DPP10: variants seen among roughly 807,000 people sequenced by gnomAD.
The protein encoded by DPP10 is inactive dipeptidyl peptidase 10.
In DPP10, 33 loss-of-function variants were observed where a neutral mutation model predicts 120.9. That is an observed-to-expected ratio of 0.27 (90% CI 0.21 to 0.37). The LOEUF (loss-of-function observed/expected upper bound fraction) is 0.37, where lower values mean the gene tolerates loss of function less well. DPP10 is among the 10% of genes least tolerant of loss of function. DPP10 has a pLI of 1.00. For missense variants in DPP10, 816 were observed against 942.8 expected (o/e 0.87, Z 1.76); for synonymous variants, 337 against 326.1 (o/e 1.03, Z -0.36).
At chr2:115,258,738 G>A (rs1264730575) in intron 1 of DPP10, among the ~76,000 whole-genome samples, 1 of 151,832 alleles carries the variant, frequency 6.6e-6, no homozygotes, top group Non-Finnish European at 1.5e-5. Flanking sequence ...TGAGATGAGG[G>A]CATCTCTACT....
At chr2:115,701,450 A>G (rs1232114817) in intron 7 of DPP10, among the ~76,000 whole-genome samples, 1 of 152,104 alleles carries the variant, frequency 6.6e-6, no homozygotes, top group African/African-American at 2.4e-5. Context: ...TGGATCAAAT[A>G]TCTCAGCATA....
At chr2:114,522,395 A>G (rs894784172) in intron 1 of DPP10, among the ~76,000 whole-genome samples, 1 of 152,162 alleles carries the variant, frequency 6.6e-6, no homozygotes, top group Non-Finnish European at 1.5e-5. Context: ...CAAACAAAAA[A>G]ACCAGCTGAT....
intron 1 of DPP10, among the ~76,000 whole-genome samples, chr2:115,054,565 G>T (rs921739354): frequency 2.6e-5 from 4 of 152,100 alleles, no homozygotes; most frequent in African/African-American, 9.7e-5. Context: ...AAGTTTACTT[G>T]CTTAATTTAA....
chr2:115,107,421 G>GTTT (rs1338824201), intron 1 of DPP10, among the ~76,000 whole-genome samples: 1 of 87,010 alleles, frequency 1.1e-5, no homozygotes, highest in Non-Finnish European at 2.3e-5. Flanking sequence ...ATTGGTTATA[G>GTTT]CTTTTTTTTT....
At chr2:114,936,825 C>T (rs1696523330) in intron 1 of DPP10, among the ~76,000 whole-genome samples, 2 of 152,130 alleles carry the variant, frequency 1.3e-5, no homozygotes, top group South Asian at 4.1e-4. Context: ...TTTTGATTTG[C>T]ATTTTCCTGA....
rs116906267 is a variant in DPP10 at position 115,141,328 on chromosome 2, C to T, written c.61-167911C>T. On this transcript the variant is annotated intron_variant, in intron 1 of 25. Coordinates refer to ENST00000410059, the MANE Select transcript of DPP10 (RefSeq NM_020868.6). ...AGGCAGGGAGGAAAGGAATATTCAC[C>T]GATTACCTGCTATATTCCAGACACC... is the stretch of plus-strand genomic sequence containing the variant. 1.2e-3 allele frequency among the ~76,000 whole-genome samples: 188 copies of T among 152,292 alleles called. No homozygotes were observed. The East Asian group carries it at 0.013, about 11-fold the overall frequency.
chr2:115,307,755 G>A (rs548308621), intron 1 of DPP10, among the ~76,000 whole-genome samples: 11 of 152,156 alleles, frequency 7.2e-5, no homozygotes, highest in African/African-American at 2.6e-4. Flanking sequence ...TTGCAGGAAC[G>A]TTGCATTCCA....
At chr2:114,464,073 G>A (rs1384885025) in intron 1 of DPP10, among the ~76,000 whole-genome samples, 2 of 152,180 alleles carry the variant, frequency 1.3e-5, no homozygotes, top group Non-Finnish European at 2.9e-5. Context: ...AGTTTTGGGT[G>A]ATTATAAATA....
At chr2:115,669,136 A>T (rs948892920) in intron 5 of DPP10, among the ~76,000 whole-genome samples, 13 of 152,158 alleles carry the variant, frequency 8.5e-5, no homozygotes, top group Admixed American at 6.6e-4. Context: ...GTTATTGAGT[A>T]GGACATTGTA....
chr2:115,207,935 G>A (rs760571635), intron 1 of DPP10, among the ~76,000 whole-genome samples: 12 of 152,064 alleles, frequency 7.9e-5, no homozygotes, highest in Admixed American at 3.3e-4. Context: ...ACAATAGATT[G>A]GCAAAACTGG....
At chr2:115,807,284 T>C (rs184744468) in intron 19 of DPP10, among the ~76,000 whole-genome samples, 1 of 152,338 alleles carries the variant, frequency 6.6e-6, no homozygotes, top group East Asian at 1.9e-4. Context: ...GAGATGTCCC[T>C]GAGGTCCTTT....
chr2:114,544,617 G>A (rs1449935127), intron 1 of DPP10, among the ~76,000 whole-genome samples: 1 of 151,890 alleles, frequency 6.6e-6, no homozygotes, highest in Admixed American at 6.6e-5. Context: ...GAGTCATTGG[G>A]GGGACTCAAA....
At chr2:115,694,962 G>A (rs1486065706) in intron 7 of DPP10, among the ~76,000 whole-genome samples, 1 of 152,146 alleles carries the variant, frequency 6.6e-6, no homozygotes, top group South Asian at 2.1e-4. Flanking sequence ...TTCTCATTAT[G>A]AAATTGCAGA....
At chr2:115,138,627 A>G (rs933171849) in intron 1 of DPP10, among the ~76,000 whole-genome samples, 5 of 152,206 alleles carry the variant, frequency 3.3e-5, no homozygotes, top group Non-Finnish European at 7.4e-5. Flanking sequence ...AATGATTACT[A>G]TGTATTTCAT....
intron 1 of DPP10, among the ~76,000 whole-genome samples, chr2:114,708,567 A>G (rs977162566): frequency 1.7e-4 from 26 of 152,118 alleles, no homozygotes; most frequent in African/African-American, 6.3e-4. Flanking sequence ...GTCTGGAAGG[A>G]GACAGTGCTC....
chr2:115,652,232 G>A (rs1012847245), intron 5 of DPP10, among the ~76,000 whole-genome samples: 1 of 151,848 alleles, frequency 6.6e-6, no homozygotes, highest in African/African-American at 2.4e-5. Context: ...TACAATGATT[G>A]CACCCATTTT....
chr2:115,560,166 C>T (rs1470596731), intron 5 of DPP10, among the ~76,000 whole-genome samples: 4 of 149,818 alleles, frequency 2.7e-5, no homozygotes, highest in East Asian at 2.0e-4. Context: ...GTCAAAAGAT[C>T]GAGACCATCC....
chr2:115,673,540 A>G (rs2090062689), intron 5 of DPP10, among the ~76,000 whole-genome samples: 1 of 152,192 alleles, frequency 6.6e-6, no homozygotes, highest in East Asian at 1.9e-4. Flanking sequence ...TAACCAAGTC[A>G]TTGAAAGAAT....
At chr2:114,543,204 A>G (rs1317767511) in intron 1 of DPP10, among the ~76,000 whole-genome samples, 1 of 152,170 alleles carries the variant, frequency 6.6e-6, no homozygotes, top group Non-Finnish European at 1.5e-5. Flanking sequence ...TTTTCCTTTT[A>G]TAAGGAGAAT....
Sources: gnomAD v4.1 joint callset for allele counts (sites outside exome capture counted in the v4.1 genomes callset) on GRCh38, gnomAD v4.1.1 for gene constraint, MANE v1.5 for transcripts, NCBI Gene and HGNC (gene_info 2026-07-23, HGNC 2026-07-21) for gene names.